The following SETD5 variants were observed in gnomAD, a reference collection of about 807,000 sequenced individuals.
SETD5 encodes histone-lysine N-methyltransferase SETD5.
In SETD5, 44 loss-of-function variants were observed where a neutral mutation model predicts 153.3. The ratio of observed to expected loss-of-function variants is 0.29; its 90% CI spans 0.23 to 0.37. SETD5 has a LOEUF of 0.37. Among genes scored for constraint, SETD5 ranks in the 10% least tolerant of loss-of-function variants. The pLI is 1.00. For synonymous variants in SETD5, 716 were observed against 645.2 expected, an observed-to-expected ratio of 1.11 and a Z score of -1.66; for missense variants, 1,544 against 1,768.0, an observed-to-expected ratio of 0.87 and a Z score of 2.27.
At chr3:9,413,652 GTGT>G (rs1559359651) in intron 1 of SETD5, among the ~76,000 whole-genome samples, 6 of 38,736 alleles carry the variant, frequency 1.5e-4, no homozygotes, top group Admixed American at 5.3e-4. Flanking sequence ...GAGGCGGGGT[GTGT>G]GTGTGTGTGT....
At chr3:9,447,347 C>T (rs928642595) in intron 14 of SETD5, 40 bp downstream of exon 14, 2 of 1,577,152 alleles carry the variant, frequency 1.3e-6, no homozygotes, top group African/African-American at 1.4e-5. Context: ...ACATCCTCAC[C>T]TTTGCTAATG....
In SETD5 at chr3:9,474,477, C is replaced by T. The variant is rs1181898358; in HGVS notation, c.3526C>T (p.Arg1176Ter). ...WMVPTSVERLREGGSIPKVLR... is the reference protein window; with the variant it reads ...WMVPTSVERL Reference sequence around the variant, plus strand: ...GGTTCCCACATCAGTAGAACGACTCCGAGAAGGAGGGAGCATCCCCAAGGT... The same window carrying T: ...GGTTCCCACATCAGTAGAACGACTCTGAGAAGGAGGGAGCATCCCCAAGGT... Residue 1176 changes from arginine (R) to a stop codon, truncating the protein, a stop_gained, in exon 21 of 23, where the codon CGA becomes TGA. Coordinates refer to ENST00000402198, the MANE Select transcript of SETD5 (RefSeq NM_001080517.3). LOFTEE classifies it high-confidence loss of function. 1 of 1,613,930 alleles carries T rather than the reference C, an allele frequency of 6.2e-7. No homozygotes were observed.
rs564376185 is a variant in SETD5, at chr3:9,425,635, G to T, written c.-117+1109G>T. On this transcript the variant is annotated intron_variant, in intron 2 of 22. Transcript: ENST00000402198. ...CTTTTGCTCAGGCTGGAGTGCAGTGGCCCTGTCTCAGCTCACTGCAGTCTC... is the reference window on the plus strand; with the variant it reads ...CTTTTGCTCAGGCTGGAGTGCAGTGTCCCTGTCTCAGCTCACTGCAGTCTC... 2.0e-5 allele frequency among the ~76,000 whole-genome samples: 3 copies of T among 149,010 alleles called. No homozygotes were observed. The South Asian group carries it at 6.4e-4, about 32-fold the overall frequency.
In SETD5 at chr3:9,425,055, C is replaced by CTTT. The variant is rs778883904; in HGVS notation, c.-117+550_-117+552dup. Among the ~76,000 whole-genome samples, 579 of 83,612 alleles carry CTTT rather than the reference C, an allele frequency of 6.9e-3. 52 individuals are homozygous for CTTT. The highest frequency in any genetic ancestry group is 0.024 in the African/African-American group (484 of 20,416). 54.9% of individuals were successfully genotyped at this position (83,612 alleles called of 152,430 possible). ...AAATTTATAGTTACCGACAATGTTT[C>CTTT]TTTTTTTTTTTTTTTTTTTTTTTGA... On this transcript the variant is annotated intron_variant, in intron 2 of 22. Coordinates refer to ENST00000402198, the MANE Select transcript of SETD5 (RefSeq NM_001080517.3).
chr3:9,429,209 G>A (rs568120072), intron 3 of SETD5, 200 bp downstream of exon 3: 7 of 346,554 alleles, frequency 2.0e-5, no homozygotes, highest in Non-Finnish European at 3.7e-5. Flanking sequence ...TTTTCAGAGG[G>A]GTATTTCTGG....
chr3:9,432,200 A>C, intron 3 of SETD5: 1 of 733,052 alleles, frequency 1.4e-6, no homozygotes, highest in Non-Finnish European at 1.7e-6. Context: ...AGACACTTTT[A>C]AGTAATAAAA....
At chr3:9,453,262 A>G (rs1048341262) in intron 16 of SETD5, among the ~76,000 whole-genome samples, 4 of 152,156 alleles carry the variant, frequency 2.6e-5, no homozygotes, top group African/African-American at 9.7e-5. Flanking sequence ...AGAGCTATTA[A>G]TCCTCATCCA....
rs1575429861 is a variant in SETD5, at chr3:9,442,072, T to C, written c.960-56T>C. 4.3e-6 allele frequency: 5 copies of C among 1,167,922 alleles called. No homozygotes were observed. In the East Asian group the frequency reaches 1.2e-4, roughly 29 times the overall value. The allele number at this position is 1,167,922 out of a possible 1,614,324, so 72.3% of individuals were successfully genotyped here. Reference sequence around the variant, plus strand: ...AGCATATGCTTCATATTTGGAGTCATGGGGTGGCCTTCTTATTTGTGTTGA... The same window carrying C: ...AGCATATGCTTCATATTTGGAGTCACGGGGTGGCCTTCTTATTTGTGTTGA... On this transcript the variant is annotated intron_variant, in intron 9 of 22. Coordinates refer to ENST00000402198, the MANE Select transcript of SETD5 (RefSeq NM_001080517.3).
intron 1 of SETD5, among the ~76,000 whole-genome samples, chr3:9,413,689 AT>A (rs2036970164): frequency 7.9e-6 from 1 of 126,062 alleles, no homozygotes; most frequent in Non-Finnish European, 1.7e-5. Flanking sequence ...TGTGTGTATT[AT>A]TTATTTATTT....
At chr3:9,468,227 C>T (rs566927081) in intron 18 of SETD5, among the ~76,000 whole-genome samples, 1 of 152,076 alleles carries the variant, frequency 6.6e-6, no homozygotes, top group South Asian at 2.1e-4. Flanking sequence ...ACTAAAATTT[C>T]ACCAGTCTAA....
chr3:9,470,161 A>T (rs984861222), intron 18 of SETD5, among the ~76,000 whole-genome samples: 2 of 152,194 alleles, frequency 1.3e-5, no homozygotes, highest in African/African-American at 4.8e-5. Context: ...CAGCAACCTG[A>T]TGAAAGGCTA....
intron 2 of SETD5, among the ~76,000 whole-genome samples, chr3:9,425,063 T>TTTTTTTTTTTTG (rs2038969910): frequency 1.4e-5 from 2 of 144,630 alleles, no homozygotes; most frequent in African/African-American, 5.3e-5. Context: ...TTCTTTTTTT[T>TTTTTTTTTTTTG]TTTTTTTTTT....
rs775244967 is a variant in SETD5, at chr3:9,447,147, C to G, written c.1622C>G (p.Ser541Cys). ...GATCAGCCCTTGGAACAGAGCAACT[C>G]TGATGTAGAGATTACTACAACCACC... ...RRDQPLEQSN[S>C]DVEITTTTSE... Residue 541 changes from serine (S) to cysteine (C), a missense_variant, in exon 14 of 23, where the codon TCT (serine) becomes TGT (cysteine). Around this residue, in one of 9 missense-constraint regions of SETD5, gnomAD observed 782 missense variants for 787.2 expected, o/e 0.99. Coordinates refer to ENST00000402198, the MANE Select transcript of SETD5 (RefSeq NM_001080517.3). 2 of 1,614,016 alleles carry G rather than the reference C, an allele frequency of 1.2e-6. No individual in the cohort carries two copies. Among genetic ancestry groups the G allele is most frequent in the African/African-American group, 1.3e-5 (1 of 75,042 alleles).
intron 7 of SETD5, 52 bp from the exon 8 acceptor site, chr3:9,440,404 C>A: frequency 1.0e-6 from 1 of 971,418 alleles, no homozygotes; most frequent in Non-Finnish European, 1.6e-6. Flanking sequence ...CCATTCCCAA[C>A]CCTCTATTTA....
At chr3:9,437,294 T>A (rs1474963979) in intron 7 of SETD5, among the ~76,000 whole-genome samples, 1 of 152,162 alleles carries the variant, frequency 6.6e-6, no homozygotes, top group Non-Finnish European at 1.5e-5. Flanking sequence ...GTATTATTGA[T>A]AAGAATTACT....
chr3:9,434,106 T>A lies in SETD5; in HGVS notation c.177+156T>A. ...CAGCGGACGTCTAGCCCTGCATCAT[T>A]GTTCTTGTTTTTATGTCCCAGTTGA... On this transcript the variant is annotated intron_variant, in intron 4 of 22. Coordinates refer to ENST00000402198, the MANE Select transcript of SETD5 (RefSeq NM_001080517.3). The surrounding 1 kb of genome is among the most constrained non-coding windows in gnomAD (Gnocchi z 5.6). 1 of 1,557,988 alleles carries A rather than the reference T, an allele frequency of 6.4e-7. No individual in the cohort carries two copies. Among genetic ancestry groups the A allele is most frequent in the Non-Finnish European group, 8.7e-7 (1 of 1,153,616 alleles).
chr3:9,463,050 C>T (rs1238630741), intron 17 of SETD5, among the ~76,000 whole-genome samples: 1 of 151,906 alleles, frequency 6.6e-6, no homozygotes, highest in East Asian at 1.9e-4. Flanking sequence ...ACAGTCTCCT[C>T]CCTCTGTCAC....
At chr3:9,431,870 T>C (rs1484920252) in intron 3 of SETD5, 6 of 232,708 alleles carry the variant, frequency 2.6e-5, no homozygotes, top group Non-Finnish European at 4.2e-5. Context: ...ACAGCTATCA[T>C]GTTTCACTCC....
intron 17 of SETD5, among the ~76,000 whole-genome samples, chr3:9,454,421 C>G (rs1413210600): frequency 6.6e-6 from 1 of 151,764 alleles, no homozygotes; most frequent in African/African-American, 2.4e-5. Context: ...GAGTTCGAGA[C>G]CAACGTGGCC....
Sources: allele counts gnomAD v4.1 joint callset (sites outside exome capture counted in the v4.1 genomes callset), GRCh38; gene constraint gnomAD v4.1.1; regional missense constraint gnomAD v4.1.1; non-coding constraint Gnocchi (gnomAD v3.1); transcripts MANE v1.5; gene names NCBI Gene and HGNC (gene_info 2026-07-23, HGNC 2026-07-21).